The following FTO variants were observed in gnomAD, a reference collection of about 807,000 sequenced individuals.
The protein encoded by FTO is alpha-ketoglutarate-dependent dioxygenase FTO.
Under a neutral mutation model 63.9 loss-of-function variants are expected in FTO, and 47 were observed. The observed-to-expected ratio is 0.74, with a 90% CI of 0.58 to 0.94. The LOEUF is 0.94. FTO is among the 40% of genes least tolerant of loss of function. The probability of loss-of-function intolerance (pLI) is 0.00; values close to 1 mark genes in which losing one functional copy is unlikely to be tolerated. For synonymous variants in FTO, 207 were observed against 224.4 expected (o/e 0.92, Z 0.69); for missense variants, 562 against 618.1 (o/e 0.91, Z 0.96).
intron 8 of FTO, among the ~76,000 whole-genome samples, chr16:53,949,798 G>C (rs2082728677): frequency 6.6e-6 from 1 of 152,010 alleles, no homozygotes; most frequent in East Asian, 1.9e-4. Context: ...CAATGCCTTG[G>C]CAGCCTTTTG....
At chr16:53,995,273 A>C (rs181829650) in intron 8 of FTO, among the ~76,000 whole-genome samples, 6 of 152,362 alleles carry the variant, frequency 3.9e-5, no homozygotes, top group African/African-American at 1.2e-4. Flanking sequence ...AACTGCCACC[A>C]GGGAGATGCA....
chr16:53,717,326 T>G (rs1467061007), intron 1 of FTO, among the ~76,000 whole-genome samples: 3 of 152,048 alleles, frequency 2.0e-5, no homozygotes. Flanking sequence ...GTTTGCTGAT[T>G]TGGAGGAGAA....
At chr16:53,997,417 G>A (rs1423744301) in intron 8 of FTO, among the ~76,000 whole-genome samples, 1 of 152,068 alleles carries the variant, frequency 6.6e-6, no homozygotes, top group African/African-American at 2.4e-5. Flanking sequence ...TGTGTTTGGG[G>A]TACTATCGGA....
chr16:53,806,184 A>G (rs2078361990), intron 1 of FTO, among the ~76,000 whole-genome samples: 1 of 152,220 alleles, frequency 6.6e-6, no homozygotes. Context: ...TTTTCCAAAT[A>G]AATACTTCAT....
At chr16:53,984,924 T>C (rs2083631753) in intron 8 of FTO, 1 of 456,510 alleles carries the variant, frequency 2.2e-6, no homozygotes, top group African/African-American at 2.0e-5. Context: ...GATGGAAATG[T>C]GTTTGTTTTT....
At chr16:53,797,734 T>C (rs2078112247) in intron 1 of FTO, among the ~76,000 whole-genome samples, 1 of 152,122 alleles carries the variant, frequency 6.6e-6, no homozygotes, top group Non-Finnish European at 1.5e-5. Context: ...TTCCAGATTG[T>C]CTTCCAAAGT....
At chr16:53,776,419 G>T (rs1174549040) in intron 1 of FTO, among the ~76,000 whole-genome samples, 3 of 152,142 alleles carry the variant, frequency 2.0e-5, no homozygotes, top group Admixed American at 6.5e-5. Flanking sequence ...TCTGCTTTTT[G>T]TGTGTGTGAG....
At chr16:53,783,832 AT>A (rs1428043808) in intron 1 of FTO, among the ~76,000 whole-genome samples, 1 of 151,764 alleles carries the variant, frequency 6.6e-6, no homozygotes, top group Non-Finnish European at 1.5e-5. Flanking sequence ...ATTATATCCT[AT>A]GTCTTTTACC....
chr16:53,883,349 C>T lies in FTO; in HGVS notation c.1119+3362C>T, dbSNP rs192768398. Reference sequence around the variant, plus strand: ...AAGTCTGTCTGCTTCAGGCTGGGTGCGGTGGCTCACGCGTGTAATCCCAGC... The same window carrying T: ...AAGTCTGTCTGCTTCAGGCTGGGTGTGGTGGCTCACGCGTGTAATCCCAGC... On this transcript the variant is annotated intron_variant, in intron 6 of 8. Transcript: ENST00000471389. Among the ~76,000 whole-genome samples the T allele has an allele frequency of 4.6e-5, 7 of 152,146 alleles. No homozygotes were observed. The East Asian group carries it at 7.8e-4, about 17-fold the overall frequency.
chr16:53,923,895 G>T (rs1307464186), intron 7 of FTO, among the ~76,000 whole-genome samples: 2 of 151,996 alleles, frequency 1.3e-5, no homozygotes, highest in African/African-American at 4.8e-5. Context: ...GCAGTGGCAG[G>T]CAGGCTGCTG....
At chr16:54,001,685 T>G (rs1025541097) in intron 8 of FTO, among the ~76,000 whole-genome samples, 3 of 152,218 alleles carry the variant, frequency 2.0e-5, no homozygotes, top group Non-Finnish European at 4.4e-5. Flanking sequence ...TCTCCAAGCA[T>G]AGGATAGAGC....
intron 8 of FTO, among the ~76,000 whole-genome samples, chr16:53,980,618 A>C (rs1035033912): frequency 6.6e-6 from 1 of 152,188 alleles, no homozygotes; most frequent in Non-Finnish European, 1.5e-5. Context: ...CCAGGTTAGG[A>C]TCCAAAAAGC....
At chr16:54,008,228 A>G (rs1385775168) in intron 8 of FTO, among the ~76,000 whole-genome samples, 10 of 152,128 alleles carry the variant, frequency 6.6e-5, no homozygotes, top group African/African-American at 2.2e-4. Context: ...TCTAAGTAGG[A>G]ATAGTGATAT....
intron 7 of FTO, among the ~76,000 whole-genome samples, chr16:53,933,119 C>T (rs2082318576): frequency 6.6e-6 from 1 of 152,184 alleles, no homozygotes; most frequent in Non-Finnish European, 1.5e-5. Context: ...ATTAAATATG[C>T]GCTGTCAAAT....
intron 8 of FTO, among the ~76,000 whole-genome samples, chr16:54,101,446 T>C (rs1381246659): frequency 6.6e-6 from 1 of 152,202 alleles, no homozygotes; most frequent in Non-Finnish European, 1.5e-5. Flanking sequence ...CCATAGAAGA[T>C]ACGATCTTGT....
intron 1 of FTO, among the ~76,000 whole-genome samples, chr16:53,732,830 A>G (rs963063511): frequency 1.3e-5 from 2 of 152,210 alleles, no homozygotes; most frequent in South Asian, 2.1e-4. Context: ...GAAGAGGGGG[A>G]AAAAGGAGCA....
chr16:53,828,641 T>C (rs1031682387), intron 3 of FTO, among the ~76,000 whole-genome samples: 2 of 152,370 alleles, frequency 1.3e-5, no homozygotes, highest in Admixed American at 1.3e-4. Flanking sequence ...TAACTCATTT[T>C]GTCTTCCCAA....
intron 2 of FTO, among the ~76,000 whole-genome samples, chr16:53,818,805 A>G (rs544507517): frequency 5.1e-4 from 77 of 152,172 alleles, no homozygotes; most frequent in African/African-American, 1.9e-3. Flanking sequence ...ATATTCCATC[A>G]CGTGGTTGTA....
At chr16:53,957,171 C>A (rs34556413) in intron 8 of FTO, among the ~76,000 whole-genome samples, 8,674 of 152,160 alleles carry the variant, frequency 0.057, 259 homozygotes, top group South Asian at 0.12. Flanking sequence ...GCTGGCATTT[C>A]TGACAGACGT....
Sources: gnomAD v4.1 joint callset for allele counts (sites outside exome capture counted in the v4.1 genomes callset) on GRCh38, gnomAD v4.1.1 for gene constraint, MANE v1.5 for transcripts, NCBI Gene and HGNC (gene_info 2026-07-23, HGNC 2026-07-21) for gene names.